The following MEI1 variants were observed in gnomAD, a reference collection of about 807,000 sequenced individuals.
The protein encoded by MEI1 is meiotic double-stranded break formation protein 1, also known as meiosis inhibitor protein 1.
Under a neutral mutation model 146.2 loss-of-function variants are expected in MEI1, and 103 were observed. That is an observed-to-expected ratio of 0.70 (90% CI 0.60 to 0.83). The LOEUF is 0.83. MEI1 is among the 40% of genes least tolerant of loss of function. MEI1 has a pLI of 0.00. For missense variants in MEI1, 1,529 were observed against 1,533.0 expected (o/e 1.00, Z 0.04); for synonymous variants, 652 against 628.2 (o/e 1.04, Z -0.57).
At chr22:41,792,751 C>G (rs547470768) in intron 26 of MEI1, among the ~76,000 whole-genome samples, 1 of 152,300 alleles carries the variant, frequency 6.6e-6, no homozygotes, top group South Asian at 2.1e-4. Flanking sequence ...GTGCCAGCTT[C>G]TCCACATTCT....
chr22:41,776,443 C>T (rs1450021191), intron 21 of MEI1, among the ~76,000 whole-genome samples, 176 bp downstream of exon 21: 6 of 152,236 alleles, frequency 3.9e-5, no homozygotes, highest in African/African-American at 9.6e-5. Context: ...GCAGAGTGGG[C>T]GTACAACATG....
intron 14 of MEI1, 66 bp downstream of exon 14, chr22:41,746,092 G>T (rs1328616260): frequency 3.4e-6 from 5 of 1,469,226 alleles, no homozygotes; most frequent in Non-Finnish European, 4.6e-6. Flanking sequence ...GGCGAGCCAG[G>T]CTCAGAGGCA....
At chr22:41,721,234 G>A (rs918906650) in intron 6 of MEI1, among the ~76,000 whole-genome samples, 1 of 114,520 alleles carries the variant, frequency 8.7e-6, no homozygotes, top group South Asian at 2.7e-4. Flanking sequence ...CACCACGCCC[G>A]TTCTTTTTTT....
In MEI1 at chr22:41,776,237, C is replaced by T. The variant is rs1194442169; in HGVS notation, c.2680C>T (p.Leu894=). Residue 894 remains leucine, a synonymous_variant, in exon 21 of 31, where the codon CTA becomes TTA. Transcript: ENST00000401548. Reference sequence around the variant, plus strand: ...CTTCCTGCTGATCCTGCAGCGTCTGCTAGTGGAGCATGGGGCATCCCCATC... The same window carrying T: ...CTTCCTGCTGATCCTGCAGCGTCTGTTAGTGGAGCATGGGGCATCCCCATC... The part of the protein sequence containing the change: ...GHFLLILQRL[L]VEHGASPSGA... The T allele has an allele frequency of 6.2e-7, 1 of 1,613,700 alleles. No individual in the cohort carries two copies. The highest frequency in any genetic ancestry group is 1.3e-5 in the African/African-American group (1 of 74,898).
At chr22:41,736,585 G>A (rs776608598) in intron 11 of MEI1, among the ~76,000 whole-genome samples, 49 of 151,816 alleles carry the variant, frequency 3.2e-4, no homozygotes, top group Non-Finnish European at 5.7e-4. Context: ...GTAGAGATAG[G>A]GATCTTGCTA....
chr22:41,773,961 C>G (rs1205795327), intron 20 of MEI1, among the ~76,000 whole-genome samples: 2 of 152,200 alleles, frequency 1.3e-5, no homozygotes, highest in Non-Finnish European at 2.9e-5. Flanking sequence ...TCCCCAGCTT[C>G]TAGCCAGAGG....
At chr22:41,784,465 G>C in intron 25 of MEI1, 45 bp downstream of exon 25, 2 of 1,609,088 alleles carry the variant, frequency 1.2e-6, no homozygotes, top group Non-Finnish European at 1.7e-6. Context: ...TTTTTCCCTA[G>C]GTTTTCAGAT....
At chr22:41,790,242 C>T (rs1413274181) in intron 26 of MEI1, among the ~76,000 whole-genome samples, 1 of 152,116 alleles carries the variant, frequency 6.6e-6, no homozygotes, top group East Asian at 1.9e-4. Flanking sequence ...GCCACCATAC[C>T]TGGCTAATTT....
intron 19 of MEI1, among the ~76,000 whole-genome samples, chr22:41,765,395 T>C (rs2074780598): frequency 1.3e-5 from 2 of 152,096 alleles, no homozygotes; most frequent in Admixed American, 6.6e-5. Context: ...GTGGGAGGAT[T>C]ACTTGAGCGC....
chr22:41,715,959 G>A (rs1290986099), intron 4 of MEI1, 82 bp from the exon 5 acceptor site: 5 of 988,870 alleles, frequency 5.1e-6, no homozygotes, highest in African/African-American at 1.6e-5. Flanking sequence ...ACAGGCATTG[G>A]TGTGGGTAGG....
At chr22:41,729,014 A>C (rs1304376332) in intron 7 of MEI1, among the ~76,000 whole-genome samples, 1 of 151,960 alleles carries the variant, frequency 6.6e-6, no homozygotes, top group Admixed American at 6.6e-5. Flanking sequence ...AAATACAAAA[A>C]TTAGCTGAGC....
At chr22:41,702,135 C>G (rs2068756943) in intron 1 of MEI1, among the ~76,000 whole-genome samples, 2 of 152,150 alleles carry the variant, frequency 1.3e-5, no homozygotes, top group Admixed American at 1.3e-4. Flanking sequence ...CAACTTCTAC[C>G]TTTTATTGAG....
chr22:41,763,943 C>CTTTTTT (rs71184839), intron 19 of MEI1, among the ~76,000 whole-genome samples: 2 of 91,556 alleles, frequency 2.2e-5, no homozygotes, highest in Non-Finnish European at 2.2e-5. Context: ...GGGAAGTTTC[C>CTTTTTT]TTTTTTTTTT....
At chr22:41,759,977 C>T (rs1421296102) in intron 18 of MEI1, among the ~76,000 whole-genome samples, 1 of 151,902 alleles carries the variant, frequency 6.6e-6, no homozygotes, top group African/African-American at 2.4e-5. Flanking sequence ...AGTTTGAGAC[C>T]AGCCTGACCA....
intron 19 of MEI1, among the ~76,000 whole-genome samples, chr22:41,767,837 G>T (rs752189117): frequency 3.3e-5 from 5 of 152,198 alleles, no homozygotes; most frequent in Non-Finnish European, 7.3e-5. Flanking sequence ...CTCTCCTGGA[G>T]CTGGGGGACT....
chr22:41,723,474 C>G (rs898623517), intron 6 of MEI1, among the ~76,000 whole-genome samples: 1 of 152,174 alleles, frequency 6.6e-6, no homozygotes, highest in African/African-American at 2.4e-5. Flanking sequence ...CTTGGCCTCC[C>G]AAAGTGCTGG....
chr22:41,713,646 T>G (rs1004291502), intron 3 of MEI1, among the ~76,000 whole-genome samples: 3 of 152,196 alleles, frequency 2.0e-5, no homozygotes, highest in African/African-American at 7.2e-5. Flanking sequence ...CCTGCCGGGT[T>G]CAAGCAATTC....
intron 20 of MEI1, chr22:41,774,074 G>A (rs1015761310): frequency 3.3e-5 from 5 of 152,160 alleles, no homozygotes; most frequent in African/African-American, 1.2e-4. Flanking sequence ...TCTTATCAAT[G>A]GGTGGTCTTT....
chr22:41,709,456 T>C (rs2069362534), intron 3 of MEI1: 1 of 670,276 alleles, frequency 1.5e-6, no homozygotes, highest in Admixed American at 1.8e-5. Context: ...TTTATCTCCT[T>C]TAGCATCACC....
Sources: allele counts gnomAD v4.1 joint callset (sites outside exome capture counted in the v4.1 genomes callset), GRCh38; gene constraint gnomAD v4.1.1; transcripts MANE v1.5; gene names NCBI Gene and HGNC (gene_info 2026-07-23, HGNC 2026-07-21).